The following ARNT2 variants were observed in gnomAD, a reference collection of about 807,000 sequenced individuals.
ARNT2 encodes the protein ARNT protein 2.
A neutral mutation model predicts 91.7 loss-of-function variants in ARNT2; 36 were observed. The ratio of observed to expected loss-of-function variants is 0.39; its 90% CI spans 0.30 to 0.52. The LOEUF is 0.52. ARNT2 is among the 20% of genes least tolerant of loss of function. The pLI, the probability that ARNT2 is intolerant of heterozygous loss-of-function variation, is 0.72. For synonymous variants in ARNT2, 365 were observed against 347.1 expected, an observed-to-expected ratio of 1.05 and a Z score of -0.57; for missense variants, 775 against 939.3, an observed-to-expected ratio of 0.83 and a Z score of 2.29.
At chr15:80,421,186 A>C (rs1895855142) in intron 1 of ARNT2, among the ~76,000 whole-genome samples, 1 of 152,184 alleles carries the variant, frequency 6.6e-6, no homozygotes, top group Non-Finnish European at 1.5e-5. Context: ...TCTCACTTAG[A>C]AGCGAGAGCT....
intron 1 of ARNT2, among the ~76,000 whole-genome samples, chr15:80,437,278 C>T (rs1896102262): frequency 6.6e-6 from 1 of 152,188 alleles, no homozygotes. Flanking sequence ...GACTTCAGAG[C>T]TGGTGGCGGT....
rs1001805995 is a variant in ARNT2, at chr15:80,457,466, T to G, written c.147-463T>G. Among the ~76,000 whole-genome samples the G allele has an allele frequency of 3.3e-5, 5 of 152,250 alleles. No homozygotes were observed. The East Asian group carries it at 7.7e-4, about 23-fold the overall frequency. On this transcript the variant is annotated intron_variant, in intron 2 of 18. Transcript: ENST00000303329. ...GTGATCCCTTCACCCTGAAAACTTC[T>G]GTTTTCAAAATCCCGTGAGCCTTTT...
At chr15:80,475,668 C>T (rs1251816272) in intron 5 of ARNT2, 5 of 155,434 alleles carry the variant, frequency 3.2e-5, no homozygotes, top group Admixed American at 1.3e-4. Context: ...TGTGTGATAG[C>T]TTCATTCATT....
chr15:80,446,541 G>T (rs528963377), intron 1 of ARNT2, among the ~76,000 whole-genome samples: 48 of 152,286 alleles, frequency 3.2e-4, no homozygotes, highest in Non-Finnish European at 5.9e-4. Context: ...CCTGGCCTCC[G>T]CCTGGGCACC....
At chr15:80,487,496 G>A (rs1896995723) in intron 5 of ARNT2, among the ~76,000 whole-genome samples, 1 of 152,210 alleles carries the variant, frequency 6.6e-6, no homozygotes, top group South Asian at 2.1e-4. Context: ...ACATCCAGGA[G>A]TTGAGAAGTT....
chr15:80,455,168 T>C (rs1896463197), intron 2 of ARNT2, among the ~76,000 whole-genome samples: 1 of 152,224 alleles, frequency 6.6e-6, no homozygotes, highest in African/African-American at 2.4e-5. Context: ...AGCAGCATCT[T>C]GGCAGGTGTG....
chr15:80,432,190 C>T (rs1042128404), intron 1 of ARNT2, among the ~76,000 whole-genome samples: 22 of 152,200 alleles, frequency 1.4e-4, no homozygotes, highest in Non-Finnish European at 2.9e-4. Context: ...ATAGTGCACC[C>T]GCACCAGCCC....
At chr15:80,521,053 C>T (rs1315220818) in intron 8 of ARNT2, among the ~76,000 whole-genome samples, 2 of 152,114 alleles carry the variant, frequency 1.3e-5, no homozygotes, top group Admixed American at 1.3e-4. Flanking sequence ...GAAAATGTAA[C>T]ATTCCTAGAC....
chr15:80,547,537 G>A (rs2141453665), intron 8 of ARNT2, among the ~76,000 whole-genome samples: 1 of 152,202 alleles, frequency 6.6e-6, no homozygotes, highest in African/African-American at 2.4e-5. Context: ...TTTTTTCCAT[G>A]GAACATAGTT....
Position 80,416,915 on chromosome 15 carries a change from A to C in ARNT2, c.31+12369A>C, listed in dbSNP as rs774847802. Among the ~76,000 whole-genome samples, 34 of 152,108 alleles carry C rather than the reference A, an allele frequency of 2.2e-4. 1 individual carries two copies. Among genetic ancestry groups the C allele is most frequent in the Non-Finnish European group, 8.8e-5 (6 of 68,028 alleles). On this transcript the variant is annotated intron_variant, in intron 1 of 18. Transcript: ENST00000303329. ...CGATTAGTCATTTAAGATGCCATTT[A>C]TGTGCTTGGCAGACCTCATCTTTGG...
At chr15:80,425,597 G>T (rs1228766548) in intron 1 of ARNT2, among the ~76,000 whole-genome samples, 1 of 152,064 alleles carries the variant, frequency 6.6e-6, no homozygotes, top group Admixed American at 6.6e-5. Context: ...CCAAAAAAAT[G>T]GGATACATGT....
chr15:80,427,695 G>A (rs543950459), intron 1 of ARNT2, among the ~76,000 whole-genome samples: 3 of 152,320 alleles, frequency 2.0e-5, no homozygotes, highest in East Asian at 3.9e-4. Flanking sequence ...TAGTCACAGC[G>A]AGAATCCTTA....
At chr15:80,437,332 C>A (rs932503247) in intron 1 of ARNT2, among the ~76,000 whole-genome samples, 8 of 152,166 alleles carry the variant, frequency 5.3e-5, no homozygotes, top group South Asian at 4.1e-4. Context: ...ATTTTCTTTG[C>A]CAGAGTCTCA....
At chr15:80,411,733 C>G (rs1895682836) in intron 1 of ARNT2, among the ~76,000 whole-genome samples, 3 of 152,164 alleles carry the variant, frequency 2.0e-5, no homozygotes, top group African/African-American at 7.2e-5. Flanking sequence ...TAGAGAGGCT[C>G]AGAGACTTAC....
chr15:80,464,234 C>T (rs950240968), intron 3 of ARNT2, among the ~76,000 whole-genome samples: 9 of 151,756 alleles, frequency 5.9e-5, no homozygotes, highest in Non-Finnish European at 1.3e-4. Flanking sequence ...ACTGGCAGGC[C>T]TGTTCCCAGT....
intron 1 of ARNT2, among the ~76,000 whole-genome samples, chr15:80,422,077 A>T (rs1310840779): frequency 6.6e-6 from 1 of 152,200 alleles, no homozygotes. Context: ...GGAGACAGAG[A>T]GGTGAGACCT....
intron 8 of ARNT2, among the ~76,000 whole-genome samples, chr15:80,520,558 C>T (rs1291503915): frequency 1.6e-4 from 12 of 74,472 alleles, no homozygotes; most frequent in African/African-American, 5.8e-4. Context: ...GTTCTTACCA[C>T]AAAAAAAAAT....
chr15:80,468,500 A>G (rs1347605757), intron 3 of ARNT2, among the ~76,000 whole-genome samples: 2 of 151,612 alleles, frequency 1.3e-5, no homozygotes, highest in Non-Finnish European at 2.9e-5. Flanking sequence ...GTTTCTTCCC[A>G]ATTCCAGGCC....
chr15:80,590,557 G>A (rs2141488421), intron 17 of ARNT2, among the ~76,000 whole-genome samples: 1 of 152,310 alleles, frequency 6.6e-6, no homozygotes, highest in Non-Finnish European at 1.5e-5. Flanking sequence ...GGGCAACAGA[G>A]CCAGACCCCA....
Sources: allele counts gnomAD v4.1 joint callset (sites outside exome capture counted in the v4.1 genomes callset), GRCh38; gene constraint gnomAD v4.1.1; transcripts MANE v1.5; gene names NCBI Gene and HGNC (gene_info 2026-07-23, HGNC 2026-07-21).